C5: variants seen among roughly 807,000 people sequenced by gnomAD.
The protein encoded by C5 is C3 and PZP-like alpha-2-macroglobulin domain-containing protein 4.
A neutral mutation model predicts 218.8 loss-of-function variants in C5; 140 were observed. The observed-to-expected ratio is 0.64, with a 90% confidence interval of 0.56 to 0.74. The LOEUF (loss-of-function observed/expected upper bound fraction) is 0.74, where lower values mean the gene tolerates loss of function less well. Among genes scored for constraint, C5 ranks in the 30% least tolerant of loss-of-function variants. The pLI is 0.00. For missense variants in C5, 1,700 were observed against 1,969.6 expected, an observed-to-expected ratio of 0.86 and a Z score of 2.59; for synonymous variants, 614 against 682.3, an observed-to-expected ratio of 0.90 and a Z score of 1.56.
chr9:120,994,934 A>G (rs1035541240), intron 22 of C5, among the ~76,000 whole-genome samples: 5 of 152,052 alleles, frequency 3.3e-5, no homozygotes, highest in African/African-American at 7.2e-5. Flanking sequence ...AAAAAAAAAA[A>G]AAAAGAAAGA....
intron 12 of C5, among the ~76,000 whole-genome samples, chr9:121,018,646 G>GGAAAGAAAGAAAGAGAA (rs2047332023): frequency 1.4e-5 from 1 of 73,490 alleles, no homozygotes; most frequent in South Asian, 6.7e-4. Flanking sequence ...AGGGAGGGAG[G>GGAAAGAAAGAAAGAGAA]GAAAGAAAGA....
Position 120,982,687 on chromosome 9 carries a change from C to T in C5, c.3358G>A (p.Glu1120Lys). ...NYQLDNGSFKENSQYQPIKLQ... is the reference protein window; with the variant it reads ...NYQLDNGSFKKNSQYQPIKLQ... ...TTTATTGGTTGATACTGTGAATTTT[C>T]CTTGAAAGATCCATTATCTAATTGA... The change falls in exon 26 of 41, where the codon GAA (glutamate) becomes AAA (lysine). Residue 1120 changes from glutamate to lysine, a missense_variant. By Grantham distance (56) the Glu-to-Lys change is moderately conservative (BLOSUM62 1). Transcript: ENST00000223642. The T allele has an allele frequency of 6.2e-7, 1 of 1,608,026 alleles. No homozygotes were observed. Among genetic ancestry groups the T allele is most frequent in the East Asian group, 2.2e-5 (1 of 44,690 alleles).
intron 22 of C5, among the ~76,000 whole-genome samples, chr9:120,995,242 T>C (rs2047107610): frequency 1.3e-5 from 2 of 152,222 alleles, no homozygotes; most frequent in African/African-American, 4.8e-5. Context: ...ATAGTGATCA[T>C]GATCTGTAAG....
intron 16 of C5, among the ~76,000 whole-genome samples, chr9:121,014,507 T>C (rs1017938035): frequency 1.3e-5 from 2 of 152,230 alleles, no homozygotes; most frequent in African/African-American, 2.4e-5. Context: ...AAACTTCTTA[T>C]ATAACATGGT....
rs772806280 is a variant in C5 at position 120,981,953 on chromosome 9, A to G, written c.3391-14T>C. The G allele has an allele frequency of 9.5e-6, 15 of 1,579,386 alleles. No homozygotes were observed. Among genetic ancestry groups the G allele is most frequent in the Non-Finnish European group, 1.3e-5 (15 of 1,148,654 alleles). Reference sequence around the variant, plus strand: ...AGGCAAGGTACCCTAAAAAGAAGCAATGTTTTAAAAGGGGAGTGAAATGGT... The same window carrying G: ...AGGCAAGGTACCCTAAAAAGAAGCAGTGTTTTAAAAGGGGAGTGAAATGGT... On this transcript the variant is annotated splice_polypyrimidine_tract_variant and intron_variant, in intron 26 of 40. Coordinates refer to ENST00000223642, the MANE Select transcript of C5 (RefSeq NM_001735.3).
At chr9:121,066,321 A>C in the C5 span, among the ~76,000 whole-genome samples, 1 of 151,356 alleles carries the variant, frequency 6.6e-6, no homozygotes, top group South Asian at 2.1e-4. Flanking sequence ...TAAAAAAAAA[A>C]AAAAAAAAAA....
chr9:120,956,891 T>G (rs2046788567), intron 39 of C5: 1 of 278,274 alleles, frequency 3.6e-6, no homozygotes, highest in African/African-American at 2.2e-5. Context: ...GGGTAGAGGG[T>G]GAGGATTGAA....
At chr9:121,020,489 C>T (rs902770267) in intron 11 of C5, among the ~76,000 whole-genome samples, 3 of 152,108 alleles carry the variant, frequency 2.0e-5, no homozygotes, top group East Asian at 1.9e-4. Flanking sequence ...GACTTCTCCT[C>T]GCATGGGATG....
chr9:120,966,999 C>T (rs1445525589), intron 33 of C5, among the ~76,000 whole-genome samples: 2 of 151,986 alleles, frequency 1.3e-5, no homozygotes, highest in Admixed American at 6.6e-5. Context: ...GTGGCTCAGG[C>T]TTGTAATCCC....
rs1336751005 is a variant in C5, at chr9:121,016,282, A to G, written c.1968T>C (p.Asn656=). Residue 656 remains asparagine (N), a synonymous_variant, in exon 15 of 41, where the codon AAT becomes AAC. Transcript: ENST00000223642. ...TTTCTTGGGAGTCATCTGCATTTGC[A>G]TTAGTGAGGAAGGTAAGTCCAGCTA... ...FHLAGLTFLT[N]ANADDSQEND... is the part of the protein sequence containing the mutation. The G allele has an allele frequency of 5.0e-6, 8 of 1,613,984 alleles. No homozygotes were observed. The highest frequency in any genetic ancestry group is 1.7e-6 in the Non-Finnish European group (2 of 1,179,952).
intron 2 of C5, among the ~76,000 whole-genome samples, chr9:121,044,782 T>C (rs2047612075): frequency 6.6e-6 from 1 of 152,206 alleles, no homozygotes; most frequent in Non-Finnish European, 1.5e-5. Flanking sequence ...CTGTTTACTA[T>C]GGTAGCCAAT....
At chr9:120,956,744 A>C (rs2046787629) in intron 39 of C5, among the ~76,000 whole-genome samples, 1 of 152,214 alleles carries the variant, frequency 6.6e-6, no homozygotes, top group South Asian at 2.1e-4. Context: ...AGCACCCAGA[A>C]ATAAAGCCAC....
At chr9:120,955,367 C>A (rs766140235) in intron 39 of C5, among the ~76,000 whole-genome samples, 9 of 152,134 alleles carry the variant, frequency 5.9e-5, no homozygotes, top group Non-Finnish European at 1.0e-4. Flanking sequence ...AGCTTGGGAA[C>A]CATCCGATGC....
In C5 at chr9:120,961,518, T is replaced by C. The variant is rs1472045805; in HGVS notation, c.4552A>G (p.Lys1518Glu). ...TTGCACGCGGCTCCTTCACAGACTT[T>C]CTGAATTTTGATATTGGAAGTGCTA... Reference protein sequence around the residue: ...FYSTSNIKIQKVCEGAACKCV... With the variant: ...FYSTSNIKIQEVCEGAACKCV... Residue 1518 changes from lysine to glutamate, a missense_variant, in exon 37 of 41, where the codon AAA becomes GAA. By Grantham distance (56) the Lys-to-Glu change is moderately conservative (BLOSUM62 1). Transcript: ENST00000223642. The C allele has an allele frequency of 1.9e-6, 3 of 1,613,294 alleles. No homozygotes were observed. Among genetic ancestry groups the C allele is most frequent in the Admixed American group, 3.3e-5 (2 of 59,988 alleles).
At chr9:121,016,129 G>A (rs1403107785) in intron 15 of C5, 125 bp downstream of exon 15, 3 of 1,222,424 alleles carry the variant, frequency 2.5e-6, no homozygotes, top group African/African-American at 3.0e-5. Context: ...TTTTATACAG[G>A]TGAGTTATGT....
chr9:120,963,052 G>T, intron 34 of C5, 85 bp from the exon 35 acceptor site: 1 of 1,004,690 alleles, frequency 1.0e-6, no homozygotes. Context: ...ATAGCACAAT[G>T]CAGGGATGTG....
intron 20 of C5, among the ~76,000 whole-genome samples, chr9:121,005,358 G>A (rs933203827): frequency 6.6e-6 from 1 of 152,170 alleles, no homozygotes; most frequent in Non-Finnish European, 1.5e-5. Context: ...AGTAAAAAGA[G>A]CAGGGAAGTA....
intron 22 of C5, among the ~76,000 whole-genome samples, chr9:120,995,710 G>A (rs2047110939): frequency 6.6e-6 from 1 of 151,904 alleles, no homozygotes; most frequent in Admixed American, 6.6e-5. Flanking sequence ...ACTATTTCAA[G>A]GCCTTGCATT....
chr9:121,042,791 G>T (rs995400946), intron 3 of C5, among the ~76,000 whole-genome samples: 4 of 151,988 alleles, frequency 2.6e-5, no homozygotes, highest in Non-Finnish European at 4.4e-5. Context: ...TGTAATTGTT[G>T]GTTTTGTAAT....
Sources: gnomAD v4.1 joint callset for allele counts (sites outside exome capture counted in the v4.1 genomes callset) on GRCh38, gnomAD v4.1.1 for gene constraint, MANE v1.5 for transcripts, NCBI Gene and HGNC (gene_info 2026-07-23, HGNC 2026-07-21) for gene names.